Variants in KCNH1 observed in about 807,000 individuals in gnomAD.
The protein encoded by KCNH1 is voltage-gated delayed rectifier potassium channel KCNH1.
In KCNH1, 27 loss-of-function variants were observed where a neutral mutation model predicts 69.2. The ratio of observed to expected loss-of-function variants is 0.39; its 90% CI spans 0.29 to 0.54. KCNH1 has a LOEUF of 0.54. Ranked by LOEUF, KCNH1 falls within the 20% of genes least tolerant of loss-of-function variation. The pLI, the probability that KCNH1 is intolerant of heterozygous loss-of-function variation, is 0.68. For synonymous variants in KCNH1, 456 were observed against 487.7 expected, an observed-to-expected ratio of 0.93 and a Z score of 0.86; for missense variants, 798 against 1,261.6, an observed-to-expected ratio of 0.63 and a Z score of 5.57.
intron 7 of KCNH1, among the ~76,000 whole-genome samples, chr1:210,868,907 T>C (rs143422838): frequency 6.6e-6 from 1 of 152,134 alleles, no homozygotes; most frequent in Admixed American, 6.6e-5. Context: ...CTAAATTTCA[T>C]TGATAGTATT....
intron 6 of KCNH1, among the ~76,000 whole-genome samples, chr1:210,940,255 A>C (rs1407863549): frequency 6.6e-6 from 1 of 152,240 alleles, no homozygotes; most frequent in Non-Finnish European, 1.5e-5. Flanking sequence ...CCAGTGATAC[A>C]AAAGCCAGGA....
intron 10 of KCNH1, among the ~76,000 whole-genome samples, chr1:210,742,408 G>T (rs1574226734): frequency 6.6e-6 from 1 of 152,174 alleles, no homozygotes; most frequent in African/African-American, 2.4e-5. Context: ...CAATGCTGGG[G>T]TAACCATCCA....
At chr1:210,976,535 G>A (rs1273097411) in intron 6 of KCNH1, among the ~76,000 whole-genome samples, 5 of 144,874 alleles carry the variant, frequency 3.5e-5, no homozygotes, top group African/African-American at 1.3e-4. Context: ...CATTGCGGAA[G>A]TCAGTGTGGC....
chr1:210,821,156 C>T (rs1684920048), intron 7 of KCNH1, among the ~76,000 whole-genome samples: 1 of 152,076 alleles, frequency 6.6e-6, no homozygotes, highest in African/African-American at 2.4e-5. Context: ...CTTGTTTTAC[C>T]TATAAACTGA....
chr1:210,996,175 C>G (rs116144784), intron 6 of KCNH1, among the ~76,000 whole-genome samples: 1,696 of 152,286 alleles, frequency 0.011, 34 homozygotes, highest in African/African-American at 0.038. Context: ...CGAGCCGAAG[C>G]AGGGTGAGGC....
At chr1:210,692,853 T>C (rs9429842) in intron 10 of KCNH1, among the ~76,000 whole-genome samples, 4,214 of 152,316 alleles carry the variant, frequency 0.028, 212 homozygotes, top group African/African-American at 0.097. Context: ...TTCAGACCTC[T>C]GGCCTCCAGA....
chr1:210,759,182 T>TTATA (rs746344046), intron 10 of KCNH1, among the ~76,000 whole-genome samples: 1 of 104,862 alleles, frequency 9.5e-6, no homozygotes, highest in Non-Finnish European at 1.9e-5. Flanking sequence ...CACACATATT[T>TTATA]TATATATATA....
chr1:210,967,845 T>C (rs1252150702), intron 6 of KCNH1, among the ~76,000 whole-genome samples: 2 of 152,072 alleles, frequency 1.3e-5, no homozygotes, highest in Non-Finnish European at 1.5e-5. Context: ...ACAGTGAACA[T>C]TGTCTTGTTC....
chr1:211,036,434 A>G (rs11119668), intron 5 of KCNH1, among the ~76,000 whole-genome samples: 32,717 of 152,114 alleles, frequency 0.22, 4,425 homozygotes, highest in East Asian at 0.39. Flanking sequence ...AACCAAAAAC[A>G]TAAGTTCTAC....
chr1:210,860,301 G>T (rs753711136), intron 7 of KCNH1: 212 of 1,345,878 alleles, frequency 1.6e-4, no homozygotes, highest in Non-Finnish European at 2.2e-4. Flanking sequence ...GACATGTCAG[G>T]CTATGCGCTA....
intron 9 of KCNH1, among the ~76,000 whole-genome samples, chr1:210,784,237 CAA>C (rs1684049211): frequency 6.6e-6 from 1 of 152,198 alleles, no homozygotes; most frequent in Non-Finnish European, 1.5e-5. Flanking sequence ...AGTAGGTAAA[CAA>C]AGTTTTGACA....
intron 7 of KCNH1, among the ~76,000 whole-genome samples, chr1:210,828,542 C>T (rs1685085532): frequency 6.6e-6 from 1 of 152,062 alleles, no homozygotes. Flanking sequence ...TTACAAGCTC[C>T]AGGTAATTTT....
At chr1:210,825,706 A>C (rs575740614) in intron 7 of KCNH1, among the ~76,000 whole-genome samples, 23 of 152,182 alleles carry the variant, frequency 1.5e-4, no homozygotes, top group Non-Finnish European at 3.1e-4. Flanking sequence ...CCACCAATGT[A>C]CCTTGTGTAA....
At chr1:211,111,289 G>A (rs918083524) in intron 1 of KCNH1, among the ~76,000 whole-genome samples, 14 of 152,088 alleles carry the variant, frequency 9.2e-5, no homozygotes, top group Admixed American at 3.3e-4. Context: ...CAAACCCACC[G>A]CCTCTGCCCA....
intron 3 of KCNH1, among the ~76,000 whole-genome samples, chr1:211,100,165 A>G (rs1241379865): frequency 1.3e-5 from 2 of 152,170 alleles, no homozygotes; most frequent in Middle Eastern, 3.4e-3. Flanking sequence ...CTGGGCTTAG[A>G]GCCCTCTTTC....
intron 2 of KCNH1, among the ~76,000 whole-genome samples, chr1:211,105,639 G>A (rs1342162311): frequency 6.6e-6 from 1 of 152,190 alleles, no homozygotes; most frequent in Non-Finnish European, 1.5e-5. Flanking sequence ...AAATTAGCAA[G>A]TTATTTTATC....
chr1:210,917,226 AG>A (rs1558524734), intron 7 of KCNH1, among the ~76,000 whole-genome samples: 3,814 of 94,912 alleles, frequency 0.04, 79 homozygotes, highest in East Asian at 0.081. Context: ...AGAGAGAGAG[AG>A]AGAGAAAGAA....
chr1:210,865,772 G>A (rs1014785532), intron 7 of KCNH1, among the ~76,000 whole-genome samples: 3 of 152,094 alleles, frequency 2.0e-5, no homozygotes, highest in East Asian at 1.9e-4. Flanking sequence ...TTTCAAACTG[G>A]AATAAGGCCT....
intron 6 of KCNH1, among the ~76,000 whole-genome samples, chr1:211,018,032 G>C (rs1049935554): frequency 2.6e-5 from 4 of 151,988 alleles, no homozygotes; most frequent in African/African-American, 9.7e-5. Context: ...AAAAAGCCTG[G>C]CACCTCCTCT....
Sources: allele counts gnomAD v4.1 joint callset (sites outside exome capture counted in the v4.1 genomes callset), GRCh38; gene constraint gnomAD v4.1.1; transcripts MANE v1.5; gene names NCBI Gene and HGNC (gene_info 2026-07-23, HGNC 2026-07-21).